CHST11: variants seen among roughly 807,000 people sequenced by gnomAD.
CHST11 encodes the protein C4S-1.
Under a neutral mutation model 30.4 loss-of-function variants are expected in CHST11, and 9 were observed. That is an observed-to-expected ratio of 0.30 (90% CI 0.18 to 0.52). The LOEUF (loss-of-function observed/expected upper bound fraction) is 0.52, where lower values mean the gene tolerates loss of function less well. Among genes scored for constraint, CHST11 ranks in the 20% least tolerant of loss-of-function variants. The probability of loss-of-function intolerance (pLI) is 0.97; values close to 1 mark genes in which losing one functional copy is unlikely to be tolerated. For synonymous variants in CHST11, 152 were observed against 187.8 expected, an observed-to-expected ratio of 0.81 and a Z score of 1.56; for missense variants, 348 against 460.6, an observed-to-expected ratio of 0.76 and a Z score of 2.24.
chr12:104,457,802 TTTC>T (rs1380648784), intron 1 of CHST11, among the ~76,000 whole-genome samples: 6 of 139,490 alleles, frequency 4.3e-5, no homozygotes, highest in Non-Finnish European at 7.8e-5. Context: ...TTTTTTTTTT[TTTC>T]TTCTTCTTTT....
intron 1 of CHST11, among the ~76,000 whole-genome samples, chr12:104,508,413 G>A (rs1301679690): frequency 2.0e-5 from 3 of 152,194 alleles, no homozygotes; most frequent in Non-Finnish European, 4.4e-5. Flanking sequence ...TGTAAAGCAC[G>A]TATCAGTGAC....
chr12:104,509,566 A>C (rs2037942660), intron 1 of CHST11, among the ~76,000 whole-genome samples: 1 of 152,186 alleles, frequency 6.6e-6, no homozygotes, highest in Non-Finnish European at 1.5e-5. Context: ...CTCAATTTAT[A>C]CCTGTTGAAC....
intron 1 of CHST11, among the ~76,000 whole-genome samples, chr12:104,472,105 C>T (rs2037515257): frequency 6.7e-6 from 1 of 148,826 alleles, no homozygotes; most frequent in African/African-American, 2.6e-5. Flanking sequence ...TACAGGTGTG[C>T]ACCATCACAC....
Position 104,482,145 on chromosome 12 carries a change from T to C in CHST11, c.118+24616T>C, listed in dbSNP as rs140343142. On this transcript the variant is annotated intron_variant, in intron 1 of 2. Coordinates refer to ENST00000303694, the MANE Select transcript of CHST11 (RefSeq NM_018413.6). Reference sequence around the variant, plus strand: ...TTTCTTGATTTTATTTTTGGATAGATTGTTGCTGATATAAAGAATGTATGG... The same window carrying C: ...TTTCTTGATTTTATTTTTGGATAGACTGTTGCTGATATAAAGAATGTATGG... 5.4e-3 allele frequency among the ~76,000 whole-genome samples: 827 copies of C among 152,134 alleles called. 12 individuals carry two copies. The highest frequency in any genetic ancestry group is 0.019 in the African/African-American group (798 of 41,492).
At chr12:104,563,903 A>G (rs939625002) in intron 1 of CHST11, among the ~76,000 whole-genome samples, 1 of 152,036 alleles carries the variant, frequency 6.6e-6, no homozygotes, top group South Asian at 2.1e-4. Flanking sequence ...ATAGGTGCTC[A>G]GTTGTCATTT....
chr12:104,498,809 C>T (rs568029645), intron 1 of CHST11, among the ~76,000 whole-genome samples: 113 of 152,206 alleles, frequency 7.4e-4, no homozygotes, highest in African/African-American at 2.6e-3. Context: ...CTTTTGCAGC[C>T]GATAACATTA....
At chr12:104,585,271 G>A (rs879504137) in intron 1 of CHST11, among the ~76,000 whole-genome samples, 7 of 152,178 alleles carry the variant, frequency 4.6e-5, no homozygotes, top group Admixed American at 3.9e-4. Flanking sequence ...ATGCCAAAGC[G>A]CTTAGGCCTC....
intron 1 of CHST11, among the ~76,000 whole-genome samples, chr12:104,519,071 G>GGTGTGTGTGTGTGTGTGTGTGTGTGTGT (rs10628757): frequency 5.7e-5 from 8 of 139,570 alleles, no homozygotes; most frequent in African/African-American, 2.2e-4. Flanking sequence ...GGACTCTTGA[G>GGTGTGTGTGTGTGTGTGTGTGTGTGTGT]GTGTGTGTGT....
chr12:104,549,434 T>A (rs2038384428), intron 1 of CHST11, among the ~76,000 whole-genome samples: 1 of 152,216 alleles, frequency 6.6e-6, no homozygotes, highest in Non-Finnish European at 1.5e-5. Context: ...AAGGGATATT[T>A]CTGTAGTCTT....
At chr12:104,599,523 A>G (rs1019074135) in intron 1 of CHST11, among the ~76,000 whole-genome samples, 9 of 152,364 alleles carry the variant, frequency 5.9e-5, no homozygotes, top group Admixed American at 5.2e-4. Flanking sequence ...TGCATTTCAC[A>G]GTTTACCTCC....
chr12:104,590,298 G>C (rs570794937), intron 1 of CHST11, among the ~76,000 whole-genome samples: 16 of 152,180 alleles, frequency 1.1e-4, no homozygotes, highest in Non-Finnish European at 1.8e-4. Flanking sequence ...AGGCCCCTTT[G>C]TAGGAGAATC....
intron 1 of CHST11, among the ~76,000 whole-genome samples, chr12:104,596,543 G>A (rs2038908461): frequency 1.3e-5 from 2 of 150,802 alleles, no homozygotes; most frequent in Admixed American, 1.3e-4. Flanking sequence ...GAGCACCAGT[G>A]CTGGAAATAA....
At chr12:104,672,182 C>A (rs11112158) in intron 2 of CHST11, among the ~76,000 whole-genome samples, 4,838 of 152,260 alleles carry the variant, frequency 0.032, 156 homozygotes, top group East Asian at 0.19. Context: ...TTCTGGAAAC[C>A]TACCTCCCTG....
chr12:104,470,189 G>A (rs1288152312), intron 1 of CHST11, among the ~76,000 whole-genome samples: 1 of 152,186 alleles, frequency 6.6e-6, no homozygotes, highest in Admixed American at 6.5e-5. Flanking sequence ...TCAATAGTCG[G>A]GAAACCCTGT....
intron 2 of CHST11, among the ~76,000 whole-genome samples, chr12:104,697,351 G>A (rs2039956312): frequency 6.6e-6 from 1 of 152,204 alleles, no homozygotes; most frequent in Non-Finnish European, 1.5e-5. Flanking sequence ...GTAAAGAAGA[G>A]CTTCCTCTCC....
chr12:104,469,457 C>T (rs2037487307), intron 1 of CHST11, among the ~76,000 whole-genome samples: 1 of 152,188 alleles, frequency 6.6e-6, no homozygotes, highest in East Asian at 1.9e-4. Context: ...ATTTCTGAAG[C>T]TGAACTCCGA....
At chr12:104,506,070 G>A (rs1466508089) in intron 1 of CHST11, among the ~76,000 whole-genome samples, 2 of 152,194 alleles carry the variant, frequency 1.3e-5, no homozygotes, top group Non-Finnish European at 2.9e-5. Context: ...CTGGAAACAT[G>A]GTAGTTATTC....
chr12:104,739,429 A>G (rs2040328924), intron 2 of CHST11, among the ~76,000 whole-genome samples: 1 of 152,156 alleles, frequency 6.6e-6, no homozygotes, highest in Non-Finnish European at 1.5e-5. Flanking sequence ...ACCATCATCT[A>G]TAACCACAGG....
chr12:104,540,369 GA>G (rs34215865), intron 1 of CHST11, among the ~76,000 whole-genome samples: 81,134 of 152,094 alleles, frequency 0.53, 22,418 homozygotes, highest in East Asian at 0.82. Flanking sequence ...TCAGATTTAG[GA>G]AAAGTCATTA....
Sources: allele counts gnomAD v4.1 joint callset (sites outside exome capture counted in the v4.1 genomes callset), GRCh38; gene constraint gnomAD v4.1.1; transcripts MANE v1.5; gene names NCBI Gene and HGNC (gene_info 2026-07-23, HGNC 2026-07-21).